Variants in CADM2 observed in about 807,000 individuals in gnomAD.
CADM2 encodes immunoglobulin superfamily member 4D.
CADM2 carries 12 observed loss-of-function variants against 49.8 expected under a neutral mutation model. The observed-to-expected ratio is 0.24, with a 90% CI of 0.15 to 0.39. The LOEUF (loss-of-function observed/expected upper bound fraction) is 0.39, where lower values mean the gene tolerates loss of function less well. CADM2 is among the 10% of genes least tolerant of loss of function. The pLI is 1.00. For synonymous variants in CADM2, 214 were observed against 175.4 expected (o/e 1.22, Z -1.74); for missense variants, 378 against 492.3 (o/e 0.77, Z 2.20).
chr3:85,600,462 G>C (rs2063359330), intron 1 of CADM2, among the ~76,000 whole-genome samples: 1 of 151,898 alleles, frequency 6.6e-6, no homozygotes, highest in African/African-American at 2.4e-5. Flanking sequence ...CTAATGCTAA[G>C]ATGTGTTAAA....
chr3:85,342,454 A>G (rs565584979), intron 1 of CADM2, among the ~76,000 whole-genome samples: 24 of 152,190 alleles, frequency 1.6e-4, no homozygotes, highest in African/African-American at 5.1e-4. Flanking sequence ...TTATTATTTA[A>G]TAATAATTTA....
chr3:85,428,831 T>G (rs963300302), intron 1 of CADM2, among the ~76,000 whole-genome samples: 1 of 151,454 alleles, frequency 6.6e-6, no homozygotes, highest in Non-Finnish European at 1.5e-5. Flanking sequence ...TCTTTTACAC[T>G]CTTTTGCCTC....
At chr3:85,551,402 A>G (rs973060282) in intron 1 of CADM2, among the ~76,000 whole-genome samples, 6 of 152,090 alleles carry the variant, frequency 3.9e-5, no homozygotes, top group Non-Finnish European at 5.9e-5. Context: ...TATAATTACT[A>G]AGATTAATAC....
intron 8 of CADM2, among the ~76,000 whole-genome samples, chr3:86,017,051 T>G (rs1732341651): frequency 6.6e-6 from 1 of 151,784 alleles, no homozygotes; most frequent in African/African-American, 2.4e-5. Flanking sequence ...CAAACAGTTG[T>G]GCTTATTGCT....
intron 1 of CADM2, among the ~76,000 whole-genome samples, chr3:85,664,442 AC>A (rs1376336858): frequency 1.3e-5 from 2 of 151,904 alleles, no homozygotes; most frequent in Non-Finnish European, 2.9e-5. Flanking sequence ...AGGACAAAAA[AC>A]TTGGAAGCAT....
At chr3:86,011,794 G>T (rs1487749093) in intron 8 of CADM2, among the ~76,000 whole-genome samples, 2 of 152,034 alleles carry the variant, frequency 1.3e-5, no homozygotes, top group African/African-American at 4.8e-5. Flanking sequence ...GATTCAGTAA[G>T]GTGGAAACGT....
intron 1 of CADM2, among the ~76,000 whole-genome samples, chr3:85,212,067 A>G (rs2041792636): frequency 6.6e-6 from 1 of 152,162 alleles, no homozygotes; most frequent in African/African-American, 2.4e-5. Flanking sequence ...TTGTCGTGAA[A>G]TCTATTTTGT....
intron 1 of CADM2, among the ~76,000 whole-genome samples, chr3:85,717,682 G>A (rs950405887): frequency 1.3e-5 from 2 of 152,144 alleles, no homozygotes; most frequent in Non-Finnish European, 2.9e-5. Context: ...AGTTTATTGA[G>A]TGTTTATAGC....
intron 8 of CADM2, among the ~76,000 whole-genome samples, chr3:85,984,630 C>T (rs1385153797): frequency 1.3e-5 from 2 of 151,864 alleles, no homozygotes; most frequent in African/African-American, 4.8e-5. Flanking sequence ...TAGAGATGAT[C>T]TGATAGATAT....
chr3:85,337,748 G>A (rs2045128551), intron 1 of CADM2, among the ~76,000 whole-genome samples: 2 of 151,042 alleles, frequency 1.3e-5, no homozygotes, highest in South Asian at 2.1e-4. Context: ...CTGGATTTTG[G>A]GTATGCAGAC....
intron 2 of CADM2, among the ~76,000 whole-genome samples, chr3:85,784,446 T>G (rs1256204392): frequency 1.3e-5 from 2 of 152,140 alleles, no homozygotes; most frequent in Non-Finnish European, 2.9e-5. Context: ...CAACACTCAG[T>G]TTATATCTAA....
In CADM2 at chr3:85,195,841, A is replaced by G. The variant is rs947234046; in HGVS notation, c.61+236173A>G. 2.6e-5 allele frequency among the ~76,000 whole-genome samples: 4 copies of G among 152,124 alleles called. No individual in the cohort carries two copies. The East Asian group carries it at 7.7e-4, about 29-fold the overall frequency. On this transcript the variant is annotated intron_variant, in intron 1 of 9. Coordinates refer to ENST00000383699, the MANE Select transcript of CADM2 (RefSeq NM_001167675.2). ...AATAGTGTTTTATTTATTAATTGAT[A>G]AAATGCAATGGAAAATGAAATATTA...
At chr3:85,012,688 C>T (rs962810063) in intron 1 of CADM2, among the ~76,000 whole-genome samples, 1 of 150,808 alleles carries the variant, frequency 6.6e-6, no homozygotes, top group Non-Finnish European at 1.5e-5. Context: ...CAGCTTTCTG[C>T]TAATGAAGAT....
intron 8 of CADM2, among the ~76,000 whole-genome samples, chr3:86,006,117 G>C (rs754701179): frequency 9.2e-5 from 14 of 152,106 alleles, no homozygotes; most frequent in Middle Eastern, 3.2e-3. Context: ...CCATTCATCT[G>C]TTGATGGACA....
In CADM2 at chr3:85,336,459, T is replaced by G. The variant is rs146314000; in HGVS notation, c.61+376791T>G. Among the ~76,000 whole-genome samples the G allele has an allele frequency of 9.3e-4, 141 of 151,648 alleles. 4 individuals are homozygous for G. In the East Asian group the frequency reaches 0.026, roughly 28 times the overall value. On this transcript the variant is annotated intron_variant, in intron 1 of 9. Coordinates refer to ENST00000383699, the MANE Select transcript of CADM2 (RefSeq NM_001167675.2). ...AGACCATAAAATCAAATTGTTTACG[T>G]AAAGCTCAATGGCAAATTGATAGCG...
At chr3:85,253,352 G>A (rs528140411) in intron 1 of CADM2, among the ~76,000 whole-genome samples, 176 of 152,146 alleles carry the variant, frequency 1.2e-3, no homozygotes, top group South Asian at 6.2e-4. Flanking sequence ...CACTAACTCA[G>A]ATTTGTGTTT....
chr3:85,230,916 G>A (rs773297008), intron 1 of CADM2, among the ~76,000 whole-genome samples: 11 of 151,934 alleles, frequency 7.2e-5, no homozygotes, highest in Non-Finnish European at 1.5e-4. Context: ...AAACTGGTTG[G>A]CTTACACGAC....
intron 1 of CADM2, among the ~76,000 whole-genome samples, chr3:85,085,059 AT>A (rs995396146): frequency 1.6e-4 from 24 of 152,060 alleles, no homozygotes; most frequent in African/African-American, 2.2e-4. Flanking sequence ...TCACATACTA[AT>A]TTTTTTTATG....
chr3:85,868,876 T>TG (rs1227206390), intron 3 of CADM2, among the ~76,000 whole-genome samples: 1 of 152,190 alleles, frequency 6.6e-6, no homozygotes, highest in Non-Finnish European at 1.5e-5. Context: ...AGTTTGGACT[T>TG]GAATTCTTTT....
Sources: allele counts gnomAD v4.1 joint callset (sites outside exome capture counted in the v4.1 genomes callset), GRCh38; gene constraint gnomAD v4.1.1; transcripts MANE v1.5; gene names NCBI Gene and HGNC (gene_info 2026-07-23, HGNC 2026-07-21).